RNF150: variants seen among roughly 807,000 people sequenced by gnomAD.
The protein encoded by RNF150 is ring finger protein 150.
A neutral mutation model predicts 39.3 loss-of-function variants in RNF150; 24 were observed. The ratio of observed to expected loss-of-function variants is 0.61; its 90% CI spans 0.44 to 0.86. The LOEUF is 0.86. RNF150 is among the 40% of genes least tolerant of loss of function. The pLI, the probability that RNF150 is intolerant of heterozygous loss-of-function variation, is 0.00. For missense variants in RNF150, 502 were observed against 587.8 expected (o/e 0.85, Z 1.51); for synonymous variants, 255 against 227.3 (o/e 1.12, Z -1.10).
chr4:141,145,390 C>T (rs1404661272), intron 1 of RNF150, among the ~76,000 whole-genome samples: 1 of 152,090 alleles, frequency 6.6e-6, no homozygotes, highest in Non-Finnish European at 1.5e-5. Context: ...TGAAGGCTAG[C>T]TTAATATGAT....
At chr4:141,087,576 T>C (rs1738414587) in intron 1 of RNF150, among the ~76,000 whole-genome samples, 1 of 152,218 alleles carries the variant, frequency 6.6e-6, no homozygotes, top group Non-Finnish European at 1.5e-5. Context: ...CACATCTTTT[T>C]TGAAATGCTG....
At chr4:141,013,294 G>A (rs184406986) in intron 1 of RNF150, among the ~76,000 whole-genome samples, 1 of 152,170 alleles carries the variant, frequency 6.6e-6, no homozygotes, top group African/African-American at 2.4e-5. Flanking sequence ...ATGATACAAT[G>A]ATGGTATTTT....
chr4:141,135,930 C>A (rs1018091702), upstream of RNF150, among the ~76,000 whole-genome samples: 1 of 152,186 alleles, frequency 6.6e-6, no homozygotes, highest in African/African-American at 2.4e-5. Flanking sequence ...ATTACAGTGT[C>A]ATTTCTGTCA....
intron 2 of RNF150, among the ~76,000 whole-genome samples, chr4:140,956,732 G>A (rs1489797560): frequency 1.3e-5 from 2 of 152,130 alleles, no homozygotes; most frequent in African/African-American, 2.4e-5. Context: ...ACAGAACAGA[G>A]CCCTCAGAAA....
intron 1 of RNF150, among the ~76,000 whole-genome samples, chr4:141,079,419 T>C (rs996843112): frequency 6.6e-6 from 1 of 152,226 alleles, no homozygotes; most frequent in African/African-American, 2.4e-5. Context: ...TATATAGTGA[T>C]CAATTGGTAG....
intron 1 of RNF150, among the ~76,000 whole-genome samples, chr4:141,050,102 T>C (rs1406735546): frequency 6.6e-6 from 1 of 152,082 alleles, no homozygotes; most frequent in African/African-American, 2.4e-5. Flanking sequence ...GAAACACATA[T>C]ATACATGTAA....
intron 1 of RNF150, among the ~76,000 whole-genome samples, chr4:141,011,304 T>TA (rs1369687058): frequency 6.6e-6 from 1 of 152,042 alleles, no homozygotes; most frequent in African/African-American, 2.4e-5. Flanking sequence ...AATGAGCCAC[T>TA]ATGGTCAACT....
intron 1 of RNF150, among the ~76,000 whole-genome samples, chr4:141,096,522 T>C (rs28597731): frequency 0.21 from 31,864 of 152,006 alleles, 3,380 homozygotes; most frequent in Middle Eastern, 0.3. Flanking sequence ...TCTACAACAA[T>C]TAATTATACC....
chr4:140,895,226 TG>T (rs1178055136), intron 6 of RNF150, among the ~76,000 whole-genome samples: 1 of 152,170 alleles, frequency 6.6e-6, no homozygotes, highest in Non-Finnish European at 1.5e-5. Flanking sequence ...AAAGCTTTGA[TG>T]GGAATTCCAG....
At chr4:140,910,910 C>T in intron 6 of RNF150, 1 of 594,882 alleles carries the variant, frequency 1.7e-6, no homozygotes, top group Non-Finnish European at 3.0e-6. Context: ...ATGTGTGAGC[C>T]CTGGTGTCAG....
At chr4:140,899,739 T>C (rs909070997) in intron 6 of RNF150, among the ~76,000 whole-genome samples, 3 of 152,086 alleles carry the variant, frequency 2.0e-5, no homozygotes, top group Admixed American at 1.3e-4. Context: ...ATAACCACAA[T>C]TGTGTCCTGG....
chr4:140,959,393 G>A (rs1732922205), intron 2 of RNF150, among the ~76,000 whole-genome samples: 1 of 152,062 alleles, frequency 6.6e-6, no homozygotes, highest in African/African-American at 2.4e-5. Context: ...CCCTAAATGT[G>A]CTGTGTGTGC....
At chr4:141,104,021 G>A (rs1331801114) in intron 1 of RNF150, among the ~76,000 whole-genome samples, 2 of 152,178 alleles carry the variant, frequency 1.3e-5, no homozygotes, top group African/African-American at 4.8e-5. Context: ...TTGCAATAGG[G>A]ATATACTTAA....
At chr4:141,068,171 C>T (rs1458034010) in intron 1 of RNF150, among the ~76,000 whole-genome samples, 1 of 152,096 alleles carries the variant, frequency 6.6e-6, no homozygotes, top group African/African-American at 2.4e-5. Flanking sequence ...TCTTGAACAC[C>T]TAACCTCATG....
chr4:141,013,666 G>A (rs1386779024), intron 1 of RNF150, among the ~76,000 whole-genome samples: 3 of 152,100 alleles, frequency 2.0e-5, no homozygotes, highest in Non-Finnish European at 4.4e-5. Flanking sequence ...CTAGAGAAAA[G>A]CATGCTGAAT....
intron 1 of RNF150, among the ~76,000 whole-genome samples, chr4:140,994,662 A>G (rs1022884214): frequency 2.0e-5 from 3 of 152,216 alleles, no homozygotes; most frequent in Non-Finnish European, 4.4e-5. Context: ...ACAAAATGAA[A>G]AAAGGTTTTA....
Position 141,132,874 on chromosome 4 carries a change from C to A in RNF150, c.-66G>T, listed in dbSNP as rs1286789575. The A allele has an allele frequency of 8.2e-6, 11 of 1,334,704 alleles. No homozygotes were observed. Among genetic ancestry groups the A allele is most frequent in the African/African-American group, 1.5e-5 (1 of 67,752 alleles). The allele number at this position is 1,334,704 out of a possible 1,614,324, so 82.7% of individuals were successfully genotyped here. ...CTCCGTCCCGTCCCTCCTCCCCAGC[C>A]CCGGCCAACCCCGGGCCGCTGCCTC... On this transcript the variant is annotated 5_prime_UTR_variant, in exon 1 of 7. Transcript: ENST00000515673. The surrounding 1 kb of genome is among the most constrained non-coding windows in gnomAD (Gnocchi z 4.9).
intron 1 of RNF150, chr4:140,997,141 G>C (rs1309810426): frequency 6.6e-6 from 1 of 152,302 alleles, no homozygotes; most frequent in East Asian, 1.9e-4. Context: ...ATGGAAGTGA[G>C]TGTGTGTATA....
At chr4:140,997,735 C>CACATATATG (rs1553935409) in intron 1 of RNF150, among the ~76,000 whole-genome samples, 1 of 151,648 alleles carries the variant, frequency 6.6e-6, no homozygotes. Flanking sequence ...TAAAAAGATA[C>CACATATATG]TAGCTGCATA....
Sources: allele counts gnomAD v4.1 joint callset (sites outside exome capture counted in the v4.1 genomes callset), GRCh38; gene constraint gnomAD v4.1.1; non-coding constraint Gnocchi (gnomAD v3.1); transcripts MANE v1.5; gene names NCBI Gene and HGNC (gene_info 2026-07-23, HGNC 2026-07-21).